MCM8: variants seen among roughly 807,000 people sequenced by gnomAD.
MCM8 encodes the protein DNA helicase MCM8.
MCM8 carries 85 observed loss-of-function variants against 98.9 expected under a neutral mutation model. That is an observed-to-expected ratio of 0.86 (90% confidence interval 0.72 to 1.03). The LOEUF (loss-of-function observed/expected upper bound fraction) is 1.03. Among genes scored for constraint, MCM8 ranks in the 50% least tolerant of loss-of-function variants. MCM8 has a pLI of 0.00. For synonymous variants in MCM8, 352 were observed against 338.6 expected, an observed-to-expected ratio of 1.04 and a Z score of -0.44; for missense variants, 951 against 997.8, an observed-to-expected ratio of 0.95 and a Z score of 0.63.
intron 15 of MCM8, among the ~76,000 whole-genome samples, chr20:5,985,234 A>G (rs1044867401): frequency 2.6e-5 from 4 of 152,074 alleles, no homozygotes; most frequent in African/African-American, 9.7e-5. Context: ...TCATGAGGTC[A>G]AGAGATCGAG....
At chr20:5,993,360 T>C (rs2089890532) in intron 17 of MCM8, 146 bp from the exon 18 acceptor site, 3 of 480,850 alleles carry the variant, frequency 6.2e-6, no homozygotes, top group Non-Finnish European at 7.2e-6. Context: ...AATTTCAGAG[T>C]GGCCCCTCAA....
At chr20:5,983,573 G>A (rs142959269) in intron 14 of MCM8, among the ~76,000 whole-genome samples, 1,980 of 152,192 alleles carry the variant, frequency 0.013, 34 homozygotes, top group Non-Finnish European at 0.019. Flanking sequence ...GATGGCAGCC[G>A]CCTGTAATCT....
chr20:5,984,839 A>T lies in MCM8; in HGVS notation c.1792A>T (p.Asn598Tyr). ...GGTCTTTATCCTGTTAGATACTCCA[A>T]ATGAGCATCATGATCACTTACTCTC... ...DLVFILLDTP[N>Y]EHHDHLLSEH... Residue 598 changes from asparagine to tyrosine, a missense_variant, in exon 15 of 19, where the codon AAT becomes TAT. Coordinates refer to ENST00000610722, the MANE Select transcript of MCM8 (RefSeq NM_032485.6). The T allele has an allele frequency of 6.2e-7, 1 of 1,614,130 alleles. No individual in the cohort carries two copies. Among genetic ancestry groups the T allele is most frequent in the Non-Finnish European group, 8.5e-7 (1 of 1,179,988 alleles).
intron 4 of MCM8, 134 bp from the exon 5 acceptor site, chr20:5,954,968 T>G: frequency 1.5e-6 from 1 of 667,034 alleles, no homozygotes. Flanking sequence ...GGCACAAAGC[T>G]TATACTTATG....
intron 6 of MCM8, 55 bp from the exon 7 acceptor site, chr20:5,958,473 G>A: frequency 7.1e-7 from 1 of 1,417,976 alleles, no homozygotes; most frequent in Non-Finnish European, 9.8e-7. Flanking sequence ...AAAGGAACTT[G>A]TGAAAATATA....
chr20:5,958,558 C>T lies in MCM8; in HGVS notation c.621C>T (p.Leu207=). 6.2e-7 allele frequency: 1 copy of T among 1,614,082 alleles called. No homozygotes were observed. The highest frequency in any genetic ancestry group is 8.5e-7 in the Non-Finnish European group (1 of 1,180,006). The change falls in exon 7 of 19, where the codon CTC becomes CTT. Residue 207 remains leucine, a synonymous_variant. Coordinates refer to ENST00000610722, the MANE Select transcript of MCM8 (RefSeq NM_032485.6). ...ACAACTATGAGCCTTTGACACAGCT[C>T]AAGAATGTCAGAGCAAATTACTATG... is the stretch of plus-strand genomic sequence containing the variant. ...RVYNYEPLTQ[L]KNVRANYYGK...
intron 8 of MCM8, chr20:5,965,246 C>T (rs755415365): frequency 1.3e-5 from 2 of 152,164 alleles, no homozygotes; most frequent in Non-Finnish European, 2.9e-5. Context: ...TTTTCTACTC[C>T]TACTTGCGTC....
At chr20:5,980,863 C>T (rs1017418774) in intron 13 of MCM8, among the ~76,000 whole-genome samples, 1 of 139,306 alleles carries the variant, frequency 7.2e-6, no homozygotes, top group African/African-American at 2.9e-5. Flanking sequence ...CAGAACGAAA[C>T]TCTGTCTCTC....
intron 7 of MCM8, among the ~76,000 whole-genome samples, chr20:5,958,929 A>T (rs552460331): frequency 7.9e-5 from 12 of 152,332 alleles, no homozygotes; most frequent in Non-Finnish European, 1.2e-4. Context: ...CCCCGAATTT[A>T]CATTTTTCAG....
At chr20:5,959,690 CTTTTTTTTTTTTT>C (rs61232248) in intron 7 of MCM8, among the ~76,000 whole-genome samples, 2 of 65,198 alleles carry the variant, frequency 3.1e-5, no homozygotes, top group Admixed American at 2.2e-4. Context: ...GTAGGCTGTA[CTTTTTTTTTTTTT>C]TTTTTTTTTT....
rs2088846620 is a variant in MCM8 at position 5,952,164 on chromosome 20, G to A, written c.148+1G>A. ...AAAACCACAGGAAAACGTACTTCTG[G>A]TAGGTGAGGTCAATGATTGTTCAAT... On this transcript the variant is annotated splice_donor_variant, in intron 2 of 18. Transcript: ENST00000610722. LOFTEE classifies it high-confidence loss of function. 2 of 1,613,060 alleles carry A rather than the reference G, an allele frequency of 1.2e-6. No homozygotes were observed. The highest frequency in any genetic ancestry group is 1.3e-5 in the African/African-American group (1 of 74,998).
intron 11 of MCM8, chr20:5,972,726 G>T: frequency 7.7e-7 from 1 of 1,305,224 alleles, no homozygotes; most frequent in East Asian, 5.2e-5. Context: ...AGCTACTTTT[G>T]GTAAGAAATG....
chr20:5,966,453 C>T (rs936803462), intron 8 of MCM8, among the ~76,000 whole-genome samples: 5 of 151,960 alleles, frequency 3.3e-5, no homozygotes, highest in Admixed American at 1.3e-4. Context: ...TTTAAATTTT[C>T]TTGATTTTGT....
intron 6 of MCM8, among the ~76,000 whole-genome samples, chr20:5,958,137 G>A (rs1396827887): frequency 3.3e-5 from 5 of 152,216 alleles, no homozygotes; most frequent in African/African-American, 9.6e-5. Flanking sequence ...CTGGGAGTCC[G>A]AGGCAGGCGG....
rs2089974478 is a variant in MCM8, at chr20:5,997,487, T to G, written c.*3096T>G. 6.7e-6 allele frequency: 1 copy of G among 149,620 alleles called. No homozygotes were observed. Among genetic ancestry groups the G allele is most frequent in the Non-Finnish European group, 1.5e-5 (1 of 68,132 alleles). The allele number at this position is 149,620 out of a possible 1,614,324, so 9.3% of individuals were successfully genotyped here. Reference sequence around the variant, plus strand: ...TGAGCCATTGTGCCCAGCCAAAAGTTTCTTTTTCAAGAGATGGTGGTCTTG... The same window carrying G: ...TGAGCCATTGTGCCCAGCCAAAAGTGTCTTTTTCAAGAGATGGTGGTCTTG... On this transcript the variant is annotated 3_prime_UTR_variant, in exon 19 of 19. Coordinates refer to ENST00000610722, the MANE Select transcript of MCM8 (RefSeq NM_032485.6).
At chr20:5,968,538 C>T (rs1212673466) in intron 10 of MCM8, among the ~76,000 whole-genome samples, 1 of 151,802 alleles carries the variant, frequency 6.6e-6, no homozygotes, top group African/African-American at 2.4e-5. Context: ...GAGTGAAACT[C>T]TGTCTTTAAA....
Position 5,994,835 on chromosome 20 carries a change from G to A in MCM8, c.*444G>A. On this transcript the variant is annotated 3_prime_UTR_variant, in exon 19 of 19. Coordinates refer to ENST00000610722, the MANE Select transcript of MCM8 (RefSeq NM_032485.6). ...GAGGCAGGAGGATTCTTTGAGCCCA[G>A]GAGTTTGAGGTTACAGTGAGCCACA... The A allele has an allele frequency of 2.5e-6, 1 of 400,276 alleles. No individual in the cohort carries two copies. The highest frequency in any genetic ancestry group is 1.9e-5 in the South Asian group (1 of 53,744). The allele number at this position is 400,276 out of a possible 1,614,324, so 24.8% of individuals were successfully genotyped here.
At chr20:5,987,236 A>C in intron 16 of MCM8, 46 bp from the exon 17 acceptor site, 1 of 1,554,136 alleles carries the variant, frequency 6.4e-7, no homozygotes, top group Admixed American at 1.8e-5. Context: ...TACTATGGTA[A>C]ATATATTCAT....
chr20:5,954,025 T>C (rs529085611), intron 3 of MCM8, among the ~76,000 whole-genome samples: 1 of 152,320 alleles, frequency 6.6e-6, no homozygotes, highest in East Asian at 1.9e-4. Context: ...AAGTGATCTT[T>C]GGACAGTCCT....
Sources: allele counts gnomAD v4.1 joint callset (sites outside exome capture counted in the v4.1 genomes callset), GRCh38; gene constraint gnomAD v4.1.1; transcripts MANE v1.5; gene names NCBI Gene and HGNC (gene_info 2026-07-23, HGNC 2026-07-21).